KCNMA1: variants seen among roughly 807,000 people sequenced by gnomAD.
KCNMA1 encodes the protein Calcium-activated potassium channel subunit alpha-1.
Under a neutral mutation model 140.0 loss-of-function variants are expected in KCNMA1, and 29 were observed. The observed-to-expected ratio is 0.21, with a 90% CI of 0.15 to 0.28. The LOEUF is 0.28. Among genes scored for constraint, KCNMA1 ranks in the 10% least tolerant of loss-of-function variants. The probability of loss-of-function intolerance (pLI) is 1.00; values close to 1 mark genes in which losing one functional copy is unlikely to be tolerated. For synonymous variants in KCNMA1, 612 were observed against 611.9 expected, an observed-to-expected ratio of 1.00 and a Z score of 0.00; for missense variants, 880 against 1,602.2, an observed-to-expected ratio of 0.55 and a Z score of 7.70.
chr10:77,184,650 C>T (rs2098833254), intron 4 of KCNMA1, among the ~76,000 whole-genome samples, 173 bp downstream of exon 4: 1 of 152,130 alleles, frequency 6.6e-6, no homozygotes, highest in African/African-American at 2.4e-5. Context: ...ATGTGAATTC[C>T]AGAAAATGCT....
intron 1 of KCNMA1, among the ~76,000 whole-genome samples, chr10:77,595,794 G>A (rs1355188413): frequency 6.6e-6 from 1 of 152,134 alleles, no homozygotes; most frequent in African/African-American, 2.4e-5. Flanking sequence ...GACTACAGGT[G>A]CGCGCCATCA....
chr10:77,344,851 G>A (rs2091833360), intron 2 of KCNMA1, among the ~76,000 whole-genome samples: 1 of 152,046 alleles, frequency 6.6e-6, no homozygotes, highest in Non-Finnish European at 1.5e-5. Context: ...GACCTTTCCT[G>A]TCTCCGTTGG....
At chr10:77,056,417 A>G (rs2095543336) in intron 14 of KCNMA1, among the ~76,000 whole-genome samples, 1 of 151,876 alleles carries the variant, frequency 6.6e-6, no homozygotes, top group East Asian at 1.9e-4. Flanking sequence ...TAATAAAGTA[A>G]AATAAAATAA....
At chr10:76,900,978 T>G (rs149688174) in intron 25 of KCNMA1, among the ~76,000 whole-genome samples, 2 of 151,908 alleles carry the variant, frequency 1.3e-5, no homozygotes, top group East Asian at 3.9e-4. Context: ...TAATTTTTAT[T>G]ACAGGATTAA....
rs2091997242 is a variant in KCNMA1 at position 77,345,722 on chromosome 10, C to A, written c.540+58140G>T. Among the ~76,000 whole-genome samples, 9 of 152,250 alleles carry A rather than the reference C, an allele frequency of 5.9e-5. No individual in the cohort carries two copies. The South Asian group carries it at 1.9e-3, about 32-fold the overall frequency. On this transcript the variant is annotated intron_variant, in intron 2 of 27. Coordinates refer to ENST00000286628, the MANE Select transcript of KCNMA1 (RefSeq NM_001161352.2). ...TGCCATGCAAATACCCCCTACTCTG[C>A]ACCATGCAGTTCCCATGGTTTACTC...
chr10:77,144,649 A>G (rs1340711600), intron 5 of KCNMA1, among the ~76,000 whole-genome samples: 1 of 152,194 alleles, frequency 6.6e-6, no homozygotes. Flanking sequence ...GTCAACAGAG[A>G]TACTCAAACA....
chr10:77,110,678 T>G (rs1456823856), intron 7 of KCNMA1, among the ~76,000 whole-genome samples: 1 of 152,172 alleles, frequency 6.6e-6, no homozygotes, highest in East Asian at 1.9e-4. Context: ...CTGGCCAGGT[T>G]TTAGAGCACT....
intron 1 of KCNMA1, among the ~76,000 whole-genome samples, chr10:77,447,402 A>G (rs1000955300): frequency 1.3e-5 from 2 of 152,216 alleles, no homozygotes; most frequent in African/African-American, 4.8e-5. Context: ...CAGAAATTCA[A>G]TCAATGGTCA....
chr10:77,056,433 G>T (rs980255851), intron 14 of KCNMA1, among the ~76,000 whole-genome samples: 6 of 151,508 alleles, frequency 4.0e-5, no homozygotes, highest in Non-Finnish European at 7.4e-5. Context: ...AATAAAGCAG[G>T]TCATTACCTT....
intron 19 of KCNMA1, among the ~76,000 whole-genome samples, chr10:76,986,805 C>G (rs1433345369): frequency 6.6e-6 from 1 of 152,212 alleles, no homozygotes; most frequent in Non-Finnish European, 1.5e-5. Context: ...TACCCCGACT[C>G]AAATACCCAA....
At chr10:77,211,929 TAAAAAATC>T (rs2046218326) in intron 3 of KCNMA1, among the ~76,000 whole-genome samples, 1 of 152,060 alleles carries the variant, frequency 6.6e-6, no homozygotes. Context: ...TGGCTATTAC[TAAAAAATC>T]AAAAAACAAC....
chr10:77,637,741 G>C lies in KCNMA1; in HGVS notation c.-99C>G. On this transcript the variant is annotated 5_prime_UTR_variant, in exon 1 of 28. Coordinates refer to ENST00000286628, the MANE Select transcript of KCNMA1 (RefSeq NM_001161352.2). The stretch of plus-strand genomic sequence containing the variant: ...CAACAGCCATATTGCTGCTACTGCT[G>C]CCGCCGCCGCCGCCGCCGCGGAGCG... 3.2e-6 allele frequency: 4 copies of C among 1,258,702 alleles called. No individual in the cohort carries two copies. Among genetic ancestry groups the C allele is most frequent in the Non-Finnish European group, 4.0e-6 (4 of 1,004,168 alleles). The allele number at this position is 1,258,702 out of a possible 1,614,324, so 78.0% of individuals were successfully genotyped here. A position where few individuals can be genotyped will look rare whatever the true frequency, so the allele number is the denominator to read the frequency against.
intron 3 of KCNMA1, among the ~76,000 whole-genome samples, chr10:77,238,822 C>A (rs1414163092): frequency 6.6e-5 from 10 of 152,170 alleles, no homozygotes; most frequent in Admixed American, 6.5e-4. Flanking sequence ...CATTGACCAA[C>A]TATAGGGTAC....
chr10:77,080,611 G>A (rs1286858898), intron 12 of KCNMA1, among the ~76,000 whole-genome samples: 1 of 152,246 alleles, frequency 6.6e-6, no homozygotes, highest in Non-Finnish European at 1.5e-5. Flanking sequence ...AAATTTGAGG[G>A]CCCCTTGGAA....
At chr10:77,436,213 T>A (rs1043577151) in intron 1 of KCNMA1, among the ~76,000 whole-genome samples, 1 of 152,212 alleles carries the variant, frequency 6.6e-6, no homozygotes, top group Non-Finnish European at 1.5e-5. Context: ...ACAGGCCACA[T>A]ACCCAGGCCC....
chr10:77,236,586 A>C (rs1166168012), intron 3 of KCNMA1, among the ~76,000 whole-genome samples: 1 of 152,234 alleles, frequency 6.6e-6, no homozygotes, highest in African/African-American at 2.4e-5. Context: ...TTCTACACTA[A>C]AAGCTAGTGT....
chr10:76,981,309 C>G (rs2079366685), intron 19 of KCNMA1, among the ~76,000 whole-genome samples: 1 of 151,928 alleles, frequency 6.6e-6, no homozygotes, highest in Non-Finnish European at 1.5e-5. Flanking sequence ...ATGAAGTGCT[C>G]AAGTCAAATA....
chr10:77,186,935 T>G (rs1388250332), intron 3 of KCNMA1, among the ~76,000 whole-genome samples: 1 of 151,922 alleles, frequency 6.6e-6, no homozygotes, highest in African/African-American at 2.4e-5. Flanking sequence ...TCATCAAGAT[T>G]GATGTATACG....
At chr10:77,152,278 T>TTGTGTG (rs72088425) in intron 5 of KCNMA1, among the ~76,000 whole-genome samples, 100 of 99,184 alleles carry the variant, frequency 1.0e-3, no homozygotes, top group African/African-American at 2.6e-3. Context: ...TTTTTTGCTT[T>TTGTGTG]TGTGTGTGTG....
Sources: allele counts gnomAD v4.1 joint callset (sites outside exome capture counted in the v4.1 genomes callset), GRCh38; gene constraint gnomAD v4.1.1; transcripts MANE v1.5; gene names NCBI Gene and HGNC (gene_info 2026-07-23, HGNC 2026-07-21).